The following CLCN4 variants were observed in gnomAD, a reference collection of about 807,000 sequenced individuals.
CLCN4 encodes Cl-/H+ antiporter 4.
A neutral mutation model predicts 41.7 loss-of-function variants in CLCN4; 1 was observed. That is an observed-to-expected ratio of 0.02 (90% CI 0.01 to 0.11). The LOEUF is 0.11. CLCN4 is among the 10% of genes least tolerant of loss of function. The pLI, the probability that CLCN4 is intolerant of heterozygous loss-of-function variation, is 1.00. For synonymous variants in CLCN4, 277 were observed against 285.8 expected, an observed-to-expected ratio of 0.97 and a Z score of 0.31; for missense variants, 287 against 661.0, an observed-to-expected ratio of 0.43 and a Z score of 6.20.
chrX:10,182,328 T>C (rs1288516810), intron 2 of CLCN4, among the ~76,000 whole-genome samples: 1 of 112,782 alleles, frequency 8.9e-6, no homozygotes, highest in Non-Finnish European at 1.9e-5. Flanking sequence ...CCATTCATTA[T>C]TTTCACAAGT....
intron 3 of CLCN4, among the ~76,000 whole-genome samples, chrX:10,186,286 G>A (rs928699678): frequency 3.6e-5 from 4 of 111,406 alleles, no homozygotes; most frequent in Non-Finnish European, 7.5e-5. Flanking sequence ...GCAAGTGGAG[G>A]CTGAAGCTTT....
At chrX:10,157,678 T>C (rs1922986807) in intron 1 of CLCN4, among the ~76,000 whole-genome samples, 1 of 112,854 alleles carries the variant, frequency 8.9e-6, no homozygotes, top group African/African-American at 3.2e-5. Context: ...ACATTGTACA[T>C]ATTTTCTGTG....
At chrX:10,197,128 C>T (rs1440819547) in intron 5 of CLCN4, among the ~76,000 whole-genome samples, 2 of 112,105 alleles carry the variant, frequency 1.8e-5, no homozygotes, top group Non-Finnish European at 3.8e-5. Flanking sequence ...AAGCTGAGGT[C>T]TAGAGAGTGT....
Position 10,206,480 on chromosome X carries a change from G to A in CLCN4, c.678G>A (p.Pro226=). 5.0e-6 allele frequency: 6 copies of A among 1,209,989 alleles called. No individual in the cohort carries two copies. The highest frequency in any genetic ancestry group is 1.8e-5 in the South Asian group (1 of 56,617). The change falls in exon 7 of 13, where the codon CCG becomes CCA. Residue 226 remains proline, a synonymous_variant. Coordinates refer to ENST00000380833, the MANE Select transcript of CLCN4 (RefSeq NM_001830.4). ...GTCTGAGCCTTGGGAAGGAAGGGCC[G>A]CTAGTGCACGTGGCTTGTTGCTGTG... ...SSGLSLGKEG[P]LVHVACCCGN...
At chrX:10,163,457 G>T (rs1923164394) in intron 2 of CLCN4, among the ~76,000 whole-genome samples, 1 of 107,971 alleles carries the variant, frequency 9.3e-6, no homozygotes, top group Non-Finnish European at 1.9e-5. Context: ...GCCCAGGCCG[G>T]AGTGCAGTGG....
intron 4 of CLCN4, among the ~76,000 whole-genome samples, chrX:10,193,483 A>G (rs1005606598): frequency 8.9e-6 from 1 of 111,859 alleles, no homozygotes; most frequent in African/African-American, 3.3e-5. Context: ...CAGAAAGATC[A>G]GAGGAGTCAG....
At chrX:10,169,775 CTT>C (rs1569223389) in intron 2 of CLCN4, among the ~76,000 whole-genome samples, 20 of 84,990 alleles carry the variant, frequency 2.4e-4, no homozygotes, top group African/African-American at 8.7e-4. Context: ...CTTTTTTTTT[CTT>C]TTTCTTTTCT....
At chrX:10,201,878 T>C (rs1366575813) in intron 6 of CLCN4, among the ~76,000 whole-genome samples, 2 of 111,424 alleles carry the variant, frequency 1.8e-5, no homozygotes, top group African/African-American at 6.5e-5. Flanking sequence ...GAGGCTGAGG[T>C]GGGAGGATTG....
rs571017923 is a variant in CLCN4 at position 10,236,000 on chromosome X, C to T, written c.*2416C>T. The T allele has an allele frequency of 7.1e-5, 8 of 112,473 alleles. No homozygotes were observed. The highest frequency in any genetic ancestry group is 1.6e-4 in the African/African-American group (5 of 30,971). 9.3% of individuals were successfully genotyped at this position (112,473 alleles called of 1,213,427 possible). A position where few individuals can be genotyped will look rare whatever the true frequency, so the allele number is the denominator to read the frequency against. On this transcript the variant is annotated 3_prime_UTR_variant, in exon 13 of 13. Transcript: ENST00000380833. ...TTTAAATCCAAAAAGTCTTAATGAC[C>T]GCTTCATGTAGTTCCCCTCTTATTC...
intron 2 of CLCN4, among the ~76,000 whole-genome samples, chrX:10,178,590 C>G (rs767728060): frequency 2.7e-5 from 3 of 112,073 alleles, no homozygotes; most frequent in Non-Finnish European, 5.6e-5. Context: ...CTCAGAAAAA[C>G]AGGATAAACT....
At chrX:10,171,242 ACTT>A (rs1176003575) in intron 2 of CLCN4, among the ~76,000 whole-genome samples, 1 of 112,158 alleles carries the variant, frequency 8.9e-6, no homozygotes, top group African/African-American at 3.2e-5. Context: ...ACAGCTTACT[ACTT>A]TATTTCTTTT....
chrX:10,224,191 T>TAA lies in CLCN4; in HGVS notation c.2192+3317_2192+3318dup, dbSNP rs200526163. ...TTTAGACATTACAGTCACAGAGCTTTAAAAGGAGGTTTTCAGAACTGCAAA... is the reference window on the plus strand; with the variant it reads ...TTTAGACATTACAGTCACAGAGCTTTAAAAAAGGAGGTTTTCAGAACTGCAAA... On this transcript the variant is annotated intron_variant, in intron 12 of 12. Transcript: ENST00000380833. Among the ~76,000 whole-genome samples, 886 of 110,808 alleles carry TAA rather than the reference T, an allele frequency of 8.0e-3. 12 individuals are homozygous for TAA. Among genetic ancestry groups the TAA allele is most frequent in the East Asian group, 0.058 (205 of 3,512 alleles).
At chrX:10,191,692 A>ATTTTTTTTTTTTTTTTTTTTTTTTT (rs760315418) in intron 4 of CLCN4, among the ~76,000 whole-genome samples, 6 of 49,771 alleles carry the variant, frequency 1.2e-4, no homozygotes, top group African/African-American at 4.6e-4. Flanking sequence ...TATCTGGTTA[A>ATTTTTTTTTTTTTTTTTTTTTTTTT]TTTTTTTTTT....
chrX:10,219,136 T>G lies in CLCN4; in HGVS notation c.1976-1525T>G, dbSNP rs772861711. 4.1e-4 allele frequency among the ~76,000 whole-genome samples: 46 copies of G among 112,573 alleles called. No individual in the cohort carries two copies. The South Asian group carries it at 4.4e-3, about 11-fold the overall frequency. On this transcript the variant is annotated intron_variant, in intron 11 of 12. Coordinates refer to ENST00000380833, the MANE Select transcript of CLCN4 (RefSeq NM_001830.4). Reference sequence around the variant, plus strand: ...AGGTTCAAAGGAGATATAAGCATGTTATTTATTTTATTGTAGCAAGTGGAT... The same window carrying G: ...AGGTTCAAAGGAGATATAAGCATGTGATTTATTTTATTGTAGCAAGTGGAT...
intron 2 of CLCN4, among the ~76,000 whole-genome samples, chrX:10,172,877 G>A (rs1923419616): frequency 9.0e-6 from 1 of 111,668 alleles, no homozygotes; most frequent in African/African-American, 3.3e-5. Flanking sequence ...AGAGAACAGC[G>A]GTCTGTTGTA....
At chrX:10,173,943 A>T (rs1002063924) in intron 2 of CLCN4, among the ~76,000 whole-genome samples, 21 of 110,687 alleles carry the variant, frequency 1.9e-4, no homozygotes, top group African/African-American at 6.6e-4. Flanking sequence ...GGGCTAGATC[A>T]CTCTTCTCTG....
chrX:10,189,624 G>T (rs1923903056), intron 4 of CLCN4, among the ~76,000 whole-genome samples: 1 of 112,243 alleles, frequency 8.9e-6, no homozygotes, highest in East Asian at 2.8e-4. Context: ...TGAAGGGACA[G>T]CCAGAGAGCC....
intron 2 of CLCN4, among the ~76,000 whole-genome samples, chrX:10,169,404 G>T (rs1170568420): frequency 9.0e-6 from 1 of 111,099 alleles, no homozygotes; most frequent in African/African-American, 3.3e-5. Context: ...ATTCTGTGTC[G>T]AATGCCTGTG....
rs764450894 is a variant in CLCN4 at position 10,165,905 on chromosome X, GGGCCACCAGGAACAGCACATGAACGC to G, written c.-12+7357_-12+7382del. Reference sequence around the variant, plus strand: ...CTGCCTCTCTTCACCGTGGCGTCCCGGGCCACCAGGAACAGCACATGAACGCGGTTTTGGGTGCCTTCCAGCATTTA... The same window carrying G: ...CTGCCTCTCTTCACCGTGGCGTCCCGGGTTTTGGGTGCCTTCCAGCATTTA... On this transcript the variant is annotated intron_variant, in intron 2 of 12. Transcript: ENST00000380833. Among the ~76,000 whole-genome samples, 6 of 111,977 alleles carry G rather than the reference GGGCCACCAGGAACAGCACATGAACGC, an allele frequency of 5.4e-5. No individual in the cohort carries two copies. In the South Asian group the frequency reaches 1.9e-3, roughly 35 times the overall value.
Sources: gnomAD v4.1 joint callset for allele counts (sites outside exome capture counted in the v4.1 genomes callset) on GRCh38, gnomAD v4.1.1 for gene constraint, MANE v1.5 for transcripts, NCBI Gene and HGNC (gene_info 2026-07-23, HGNC 2026-07-21) for gene names.